The following PMFBP1 variants were observed in gnomAD, a reference collection of about 807,000 sequenced individuals.
PMFBP1 encodes polyamine-modulated factor 1-binding protein 1.
A neutral mutation model predicts 137.8 loss-of-function variants in PMFBP1; 131 were observed. The observed-to-expected ratio is 0.95, with a 90% CI of 0.82 to 1.10. The LOEUF (loss-of-function observed/expected upper bound fraction) is 1.10. PMFBP1 is among the 50% of genes least tolerant of loss of function. The probability of loss-of-function intolerance (pLI) is 0.00; values close to 1 mark genes in which losing one functional copy is unlikely to be tolerated. For missense variants in PMFBP1, 1,199 were observed against 1,175.4 expected (o/e 1.02, Z -0.29); for synonymous variants, 490 against 450.4 (o/e 1.09, Z -1.11).
intron 2 of PMFBP1, among the ~76,000 whole-genome samples, chr16:72,167,935 T>C (rs553368548): frequency 1.3e-5 from 2 of 152,314 alleles, no homozygotes; most frequent in South Asian, 4.1e-4. Context: ...ACAATAAAAA[T>C]ATCCTTTCTC....
upstream of PMFBP1, among the ~76,000 whole-genome samples, chr16:72,179,633 T>C (rs1224271951): frequency 6.6e-6 from 1 of 151,994 alleles, no homozygotes; most frequent in Non-Finnish European, 1.5e-5. Context: ...TAGCAAAAAA[T>C]GACAAACAAA....
At chr16:72,204,187 C>A in the PMFBP1 span, among the ~76,000 whole-genome samples, 1 of 139,648 alleles carries the variant, frequency 7.2e-6, no homozygotes, top group Non-Finnish European at 1.5e-5. Context: ...GTTACTCATG[C>A]GCATTTTTTT....
the PMFBP1 span, among the ~76,000 whole-genome samples, chr16:72,194,783 G>C: frequency 6.6e-6 from 1 of 152,156 alleles, no homozygotes; most frequent in Non-Finnish European, 1.5e-5. Flanking sequence ...CTAGGTTGTT[G>C]ACACTGAACT....
chr16:72,123,703 GC>G, intron 17 of PMFBP1, 54 bp from the exon 18 acceptor site: 2 of 1,502,562 alleles, frequency 1.3e-6, no homozygotes, highest in Non-Finnish European at 1.8e-6. Context: ...AGGCCTGTCA[GC>G]CCTCCTTCCG....
At chr16:72,226,842 T>C in the PMFBP1 span, among the ~76,000 whole-genome samples, 1 of 152,134 alleles carries the variant, frequency 6.6e-6, no homozygotes, top group Non-Finnish European at 1.5e-5. Flanking sequence ...AACCCCTTGA[T>C]CTCCATCAGC....
chr16:72,199,546 CGGG>C, the PMFBP1 span, among the ~76,000 whole-genome samples: 29 of 149,080 alleles, frequency 1.9e-4, no homozygotes, highest in Admixed American at 2.0e-3. Context: ...CCCAGCTACT[CGGG>C]AGGCTGAGGC....
chr16:72,159,445 A>C (rs2043029150), intron 3 of PMFBP1, among the ~76,000 whole-genome samples: 1 of 152,200 alleles, frequency 6.6e-6, no homozygotes, highest in African/African-American at 2.4e-5. Context: ...TAGCCAGATG[A>C]TGAGATTTTA....
the PMFBP1 span, among the ~76,000 whole-genome samples, chr16:72,239,114 CT>C: frequency 1.3e-5 from 2 of 152,168 alleles, no homozygotes; most frequent in East Asian, 1.9e-4. Context: ...GATTGAGAAA[CT>C]TTTTTCCTAA....
the PMFBP1 span, among the ~76,000 whole-genome samples, chr16:72,204,355 G>A: frequency 2.6e-5 from 4 of 152,082 alleles, no homozygotes; most frequent in South Asian, 2.1e-4. Context: ...GAGATGGGGC[G>A]TGCACCACCG....
the PMFBP1 span, among the ~76,000 whole-genome samples, chr16:72,190,262 T>C: frequency 6.6e-6 from 1 of 152,230 alleles, no homozygotes; most frequent in African/African-American, 2.4e-5. Context: ...CGGACTATTA[T>C]CATCCTTGCT....
At chr16:72,225,370 A>G in the PMFBP1 span, among the ~76,000 whole-genome samples, 2 of 152,112 alleles carry the variant, frequency 1.3e-5, no homozygotes, top group Middle Eastern at 6.8e-3. Flanking sequence ...CTTTTATCTC[A>G]GGACAGCAGG....
the PMFBP1 span, among the ~76,000 whole-genome samples, chr16:72,233,058 T>C: frequency 6.6e-6 from 1 of 152,086 alleles, no homozygotes; most frequent in Non-Finnish European, 1.5e-5. Flanking sequence ...AAAATGACTC[T>C]CAAAATGTTA....
chr16:72,218,328 T>C, the PMFBP1 span, among the ~76,000 whole-genome samples: 1 of 152,174 alleles, frequency 6.6e-6, no homozygotes, highest in African/African-American at 2.4e-5. Context: ...GGATTCTTAA[T>C]ACTTAAACTT....
chr16:72,171,328 A>AT (rs2043217975), intron 1 of PMFBP1, 60 bp from the exon 2 acceptor site: 5 of 1,201,142 alleles, frequency 4.2e-6, no homozygotes, highest in Non-Finnish European at 6.0e-6. Context: ...CCCTTTAAAG[A>AT]TTTTCCCAGC....
chr16:72,241,748 C>T, the PMFBP1 span, among the ~76,000 whole-genome samples: 1 of 152,124 alleles, frequency 6.6e-6, no homozygotes, highest in Non-Finnish European at 1.5e-5. Context: ...AGCCACAGTT[C>T]ACTTCTATTC....
chr16:72,236,811 G>T, the PMFBP1 span, among the ~76,000 whole-genome samples: 13,561 of 152,172 alleles, frequency 0.089, 1,689 homozygotes, highest in African/African-American at 0.28. Context: ...ATGGATAGGT[G>T]CTGAAAATAA....
chr16:72,217,032 T>C, the PMFBP1 span, among the ~76,000 whole-genome samples: 3 of 152,168 alleles, frequency 2.0e-5, no homozygotes, highest in East Asian at 3.8e-4. Flanking sequence ...GACTTTGAGT[T>C]GTTTTCCCTG....
chr16:72,153,550 A>C (rs1036174850), intron 4 of PMFBP1, among the ~76,000 whole-genome samples: 1 of 152,206 alleles, frequency 6.6e-6, no homozygotes, highest in Middle Eastern at 3.4e-3. Context: ...TCACTGCTCA[A>C]GTGGTTTTAG....
At chr16:72,128,584 G>T (rs1331048026) in intron 14 of PMFBP1, 73 bp downstream of exon 14, 1 of 1,612,760 alleles carries the variant, frequency 6.2e-7, no homozygotes, top group Admixed American at 1.7e-5. Flanking sequence ...GTGGAGGAGA[G>T]GTGGGTACAG....
Sources: gnomAD v4.1 joint callset for allele counts (sites outside exome capture counted in the v4.1 genomes callset) on GRCh38, gnomAD v4.1.1 for gene constraint, MANE v1.5 for transcripts, NCBI Gene and HGNC (gene_info 2026-07-23, HGNC 2026-07-21) for gene names.